Variants in MTUS2 observed in about 807,000 individuals in gnomAD.
MTUS2 encodes microtubule associated scaffold protein 2, also known as microtubule-associated tumor suppressor candidate 2.
In MTUS2, 40 loss-of-function variants were observed where a neutral mutation model predicts 114.1. The observed-to-expected ratio is 0.35, with a 90% CI of 0.27 to 0.46. MTUS2 has a LOEUF of 0.46. MTUS2 is among the 20% of genes least tolerant of loss of function. The pLI, the probability that MTUS2 is intolerant of heterozygous loss-of-function variation, is 1.00. For missense variants in MTUS2, 1,679 were observed against 1,705.4 expected (o/e 0.98, Z 0.27); for synonymous variants, 688 against 672.0 (o/e 1.02, Z -0.37).
intron 5 of MTUS2, 130 bp downstream of exon 5, chr13:29,101,100 G>C: frequency 9.6e-7 from 1 of 1,044,574 alleles, no homozygotes; most frequent in South Asian, 1.8e-5. Context: ...CCATTGTTGT[G>C]TTATTCATCT....
intron 2 of MTUS2, among the ~76,000 whole-genome samples, chr13:28,874,465 G>A (rs1031816972): frequency 2.0e-5 from 3 of 152,084 alleles, no homozygotes; most frequent in Admixed American, 6.5e-5. Flanking sequence ...TAGGTGGCTC[G>A]CTTTTAGGAT....
intron 2 of MTUS2, among the ~76,000 whole-genome samples, chr13:28,840,839 A>C (rs1261917062): frequency 6.6e-6 from 1 of 152,250 alleles, no homozygotes; most frequent in Non-Finnish European, 1.5e-5. Context: ...AAAGAAACTT[A>C]CCAGAAGCAC....
At chr13:29,084,684 C>A (rs1303268789) in intron 4 of MTUS2, among the ~76,000 whole-genome samples, 1 of 151,706 alleles carries the variant, frequency 6.6e-6, no homozygotes, top group Non-Finnish European at 1.5e-5. Flanking sequence ...ACTGTAGGTG[C>A]ATGACACCAC....
intron 5 of MTUS2, among the ~76,000 whole-genome samples, chr13:29,262,445 A>G (rs1897509192): frequency 6.6e-6 from 1 of 151,862 alleles, no homozygotes; most frequent in Non-Finnish European, 1.5e-5. Context: ...TCTTTTTGTC[A>G]TATATTAAAG....
chr13:29,061,188 T>C (rs1453096297), intron 4 of MTUS2, among the ~76,000 whole-genome samples: 1 of 152,228 alleles, frequency 6.6e-6, no homozygotes, highest in Admixed American at 6.5e-5. Flanking sequence ...TTGAAGATTA[T>C]TGAACTCATT....
At chr13:29,492,007 GA>G (rs1882165117) in intron 11 of MTUS2, among the ~76,000 whole-genome samples, 1 of 108,686 alleles carries the variant, frequency 9.2e-6, no homozygotes, top group African/African-American at 3.7e-5. Context: ...GTGTGTATGT[GA>G]ATGTGTGTGG....
chr13:29,462,540 G>A (rs1031968515), intron 9 of MTUS2, among the ~76,000 whole-genome samples: 5 of 152,210 alleles, frequency 3.3e-5, no homozygotes, highest in African/African-American at 4.8e-5. Context: ...GGGAGATGTG[G>A]CCAAATTCCA....
intron 5 of MTUS2, among the ~76,000 whole-genome samples, chr13:29,184,331 A>C (rs1894131433): frequency 6.6e-6 from 1 of 152,000 alleles, no homozygotes; most frequent in Non-Finnish European, 1.5e-5. Flanking sequence ...TCACTGTTCC[A>C]CTGTTCTGAT....
chr13:28,929,980 A>G (rs566310796), intron 2 of MTUS2, among the ~76,000 whole-genome samples: 91 of 152,220 alleles, frequency 6.0e-4, no homozygotes, highest in Admixed American at 1.6e-3. Context: ...AGGGAAAGGG[A>G]GGCCTGAGGA....
rs369092259 is a variant in MTUS2 at position 29,026,982 on chromosome 13, G to A, written c.2205+79G>A. On this transcript the variant is annotated intron_variant, in intron 3 of 15. Transcript: ENST00000612955. ...GACATATTTTCAATGAGTTATGAAA[G>A]TAAAATGTCCTCTTTAAGTGAATTA... 103 of 1,382,326 alleles carry A rather than the reference G, an allele frequency of 7.5e-5. No individual in the cohort carries two copies. The African/African-American group carries it at 1.2e-3, about 16-fold the overall frequency. The allele number at this position is 1,382,326 out of a possible 1,614,324, so 85.6% of individuals were successfully genotyped here. A position where few individuals can be genotyped will look rare whatever the true frequency, so the allele number is the denominator to read the frequency against.
At chr13:29,342,027 G>A (rs141905009) in intron 7 of MTUS2, among the ~76,000 whole-genome samples, 51 of 152,202 alleles carry the variant, frequency 3.4e-4, no homozygotes, top group African/African-American at 1.1e-3. Flanking sequence ...TTTCATATGA[G>A]TACCATGCTG....
intron 9 of MTUS2, among the ~76,000 whole-genome samples, chr13:29,475,476 C>T (rs921917139): frequency 6.6e-6 from 1 of 152,026 alleles, no homozygotes; most frequent in African/African-American, 2.4e-5. Context: ...GAGGTACTGC[C>T]GAAGAAGGCA....
intron 8 of MTUS2, among the ~76,000 whole-genome samples, chr13:29,377,994 G>T (rs1251882230): frequency 1.3e-5 from 2 of 152,230 alleles, no homozygotes; most frequent in Non-Finnish European, 2.9e-5. Flanking sequence ...CTCAGAACAT[G>T]CTGAGTGAAA....
chr13:29,077,396 TA>T (rs574656480), intron 4 of MTUS2, among the ~76,000 whole-genome samples: 18 of 149,450 alleles, frequency 1.2e-4, no homozygotes, highest in Middle Eastern at 3.4e-3. Context: ...ATGGTAAAAT[TA>T]AAAAAAAAAT....
intron 4 of MTUS2, among the ~76,000 whole-genome samples, chr13:29,091,478 C>T (rs1172883285): frequency 7.1e-6 from 1 of 141,630 alleles, no homozygotes; most frequent in African/African-American, 2.6e-5. Flanking sequence ...CAGTACTCCA[C>T]ATTATGGCCT....
intron 2 of MTUS2, among the ~76,000 whole-genome samples, chr13:28,887,980 T>A (rs186640103): frequency 4.6e-5 from 7 of 152,334 alleles, no homozygotes; most frequent in African/African-American, 1.7e-4. Flanking sequence ...CTTTTCTCCT[T>A]GTCTCAGACA....
chr13:29,228,748 G>A (rs2139351193), intron 5 of MTUS2, among the ~76,000 whole-genome samples: 1 of 150,998 alleles, frequency 6.6e-6, no homozygotes, highest in East Asian at 1.9e-4. Context: ...AGAGAAAGGA[G>A]AAGGGGGGGA....
chr13:29,454,986 A>T (rs1878998499), intron 9 of MTUS2, among the ~76,000 whole-genome samples: 2 of 152,358 alleles, frequency 1.3e-5, no homozygotes, highest in South Asian at 4.1e-4. Flanking sequence ...AGCACTGCAC[A>T]TTTGACACCA....
At chr13:29,369,711 G>A (rs9506165) in intron 8 of MTUS2, among the ~76,000 whole-genome samples, 30,792 of 152,124 alleles carry the variant, frequency 0.2, 3,230 homozygotes, top group Middle Eastern at 0.25. Flanking sequence ...CCTCCCAGGA[G>A]AAGAAAGAAA....
Sources: allele counts gnomAD v4.1 joint callset (sites outside exome capture counted in the v4.1 genomes callset), GRCh38; gene constraint gnomAD v4.1.1; transcripts MANE v1.5; gene names NCBI Gene and HGNC (gene_info 2026-07-23, HGNC 2026-07-21).